TRPM3: variants seen among roughly 807,000 people sequenced by gnomAD.
TRPM3 encodes the protein long transient receptor potential channel 3.
A neutral mutation model predicts 181.2 loss-of-function variants in TRPM3; 77 were observed. The observed-to-expected ratio is 0.42, with a 90% confidence interval of 0.35 to 0.51. The LOEUF (loss-of-function observed/expected upper bound fraction) is 0.51, where lower values mean the gene tolerates loss of function less well. Ranked by LOEUF, TRPM3 falls within the 20% of genes least tolerant of loss-of-function variation. The pLI is 0.01. For missense variants in TRPM3, 1,759 were observed against 2,196.7 expected, an observed-to-expected ratio of 0.80 and a Z score of 3.98; for synonymous variants, 745 against 796.4, an observed-to-expected ratio of 0.94 and a Z score of 1.09.
At chr9:70,914,331 T>G (rs1165373966) in intron 1 of TRPM3, among the ~76,000 whole-genome samples, 1 of 152,228 alleles carries the variant, frequency 6.6e-6, no homozygotes, top group Non-Finnish European at 1.5e-5. Flanking sequence ...ACTGTGATCT[T>G]GGACTTCCCA....
intron 1 of TRPM3, among the ~76,000 whole-genome samples, chr9:71,420,581 A>G: frequency 6.7e-6 from 1 of 149,914 alleles, no homozygotes; most frequent in African/African-American, 2.4e-5. Flanking sequence ...GAAGAGAAAG[A>G]GAAAGAAAAA....
chr9:71,315,765 TTAA>T (rs540456329), intron 1 of TRPM3, among the ~76,000 whole-genome samples: 9 of 152,318 alleles, frequency 5.9e-5, no homozygotes, highest in Admixed American at 4.6e-4. Context: ...CTTTCTCTTA[TTAA>T]TAAGTTTTTG....
chr9:70,957,114 C>T (rs1049535122), intron 1 of TRPM3, among the ~76,000 whole-genome samples: 4 of 151,886 alleles, frequency 2.6e-5, no homozygotes, highest in Admixed American at 2.6e-4. Context: ...GCACGCGCCA[C>T]CGCACCTGGC....
At chr9:71,164,517 G>T (rs1759119728) in intron 1 of TRPM3, among the ~76,000 whole-genome samples, 1 of 152,058 alleles carries the variant, frequency 6.6e-6, no homozygotes, top group African/African-American at 2.4e-5. Context: ...AGGAAAAAAT[G>T]GTTGTGTAGA....
At chr9:71,250,057 C>T (rs2082254761) in intron 1 of TRPM3, among the ~76,000 whole-genome samples, 1 of 152,182 alleles carries the variant, frequency 6.6e-6, no homozygotes, top group South Asian at 2.1e-4. Context: ...TAAGAGAATA[C>T]ACTCCATTAA....
At chr9:70,753,071 C>T (rs2076463739) in intron 8 of TRPM3, among the ~76,000 whole-genome samples, 1 of 152,084 alleles carries the variant, frequency 6.6e-6, no homozygotes, top group East Asian at 1.9e-4. Flanking sequence ...CACACCACTG[C>T]ACTCCATCCT....
chr9:71,276,484 A>T (rs188994325), intron 1 of TRPM3, among the ~76,000 whole-genome samples: 96 of 152,326 alleles, frequency 6.3e-4, no homozygotes, highest in African/African-American at 2.3e-3. Context: ...AATCAGCAAG[A>T]AACACTATGA....
chr9:70,618,888 C>T lies in TRPM3; in HGVS notation c.2337G>A (p.Met779Ile). ...TGACCTTGAGGCCTGAGTTCTTGCG[C>T]ATGCGGAGCCGGCCCATCCACATGT... ...LTDMWMGRLR[M>I]RKNSGLKVIL... Residue 779 changes from methionine to isoleucine, a missense_variant, in exon 17 of 26, where the codon ATG (methionine) becomes ATA (isoleucine). Around this residue, in one of 8 missense-constraint regions of TRPM3, gnomAD observed 114 missense variants for 134.8 expected, o/e 0.85. Transcript: ENST00000677713. 6.2e-7 allele frequency: 1 copy of T among 1,607,850 alleles called. No homozygotes were observed. Among genetic ancestry groups the T allele is most frequent in the South Asian group, 1.1e-5 (1 of 91,078 alleles).
At chr9:70,874,895 T>C (rs2095846278) in intron 1 of TRPM3, among the ~76,000 whole-genome samples, 1 of 152,114 alleles carries the variant, frequency 6.6e-6, no homozygotes, top group South Asian at 2.1e-4. Context: ...TATATGTATG[T>C]ATACATGTAT....
chr9:71,075,101 A>G (rs985788542), intron 1 of TRPM3, among the ~76,000 whole-genome samples: 2 of 151,982 alleles, frequency 1.3e-5, no homozygotes, highest in Non-Finnish European at 2.9e-5. Flanking sequence ...ACTACATTGC[A>G]CTTGTTTTGT....
intron 8 of TRPM3, among the ~76,000 whole-genome samples, chr9:70,690,474 A>G (rs1397676302): frequency 1.3e-5 from 2 of 152,172 alleles, no homozygotes; most frequent in African/African-American, 4.8e-5. Flanking sequence ...CAAGGATAGA[A>G]GCAGGGAAAC....
chr9:71,071,585 A>G (rs1357427587), intron 1 of TRPM3, among the ~76,000 whole-genome samples: 2 of 152,224 alleles, frequency 1.3e-5, no homozygotes, highest in African/African-American at 4.8e-5. Flanking sequence ...CACATCCCAC[A>G]TCCTTTGCTA....
intron 7 of TRPM3, chr9:70,776,312 A>G (rs2081343513): frequency 1.7e-6 from 1 of 586,840 alleles, no homozygotes. Flanking sequence ...TGTAAAGTCG[A>G]AGGAAGCTGG....
chr9:71,007,058 A>G (rs894177301), intron 1 of TRPM3, among the ~76,000 whole-genome samples: 4 of 139,908 alleles, frequency 2.9e-5, no homozygotes, highest in Non-Finnish European at 6.1e-5. Flanking sequence ...AAAAAAAAAA[A>G]AAAAAGAAAG....
At chr9:70,657,592 T>C (rs1397335225) in intron 9 of TRPM3, among the ~76,000 whole-genome samples, 2 of 152,186 alleles carry the variant, frequency 1.3e-5, no homozygotes, top group African/African-American at 2.4e-5. Flanking sequence ...GCCATTATTA[T>C]TAAGTTTAGT....
intron 1 of TRPM3, among the ~76,000 whole-genome samples, chr9:71,400,865 G>A (rs914142561): frequency 6.6e-6 from 1 of 151,496 alleles, no homozygotes. Flanking sequence ...TCAAAGAAAG[G>A]TATTCTAATG....
chr9:71,243,301 G>A (rs936028516), intron 1 of TRPM3, among the ~76,000 whole-genome samples: 5 of 152,178 alleles, frequency 3.3e-5, no homozygotes, highest in African/African-American at 1.2e-4. Flanking sequence ...TGGGATTACA[G>A]GCATGAGCCA....
chr9:70,929,918 G>T (rs1349233375), intron 1 of TRPM3, among the ~76,000 whole-genome samples: 1 of 152,168 alleles, frequency 6.6e-6, no homozygotes, highest in Non-Finnish European at 1.5e-5. Flanking sequence ...CGAAACTGGG[G>T]AATCTTATGT....
chr9:71,397,080 C>T (rs183016530), intron 1 of TRPM3, among the ~76,000 whole-genome samples: 21 of 151,982 alleles, frequency 1.4e-4, no homozygotes, highest in African/African-American at 2.7e-4. Context: ...ATAGAGAATT[C>T]GGCAACATTA....
Sources: gnomAD v4.1 joint callset for allele counts (sites outside exome capture counted in the v4.1 genomes callset) on GRCh38, gnomAD v4.1.1 for gene constraint, gnomAD v4.1.1 regional missense constraint, MANE v1.5 for transcripts, NCBI Gene and HGNC (gene_info 2026-07-23, HGNC 2026-07-21) for gene names.